Variants in ACSF2 observed in about 807,000 individuals in gnomAD.
ACSF2 encodes acyl-CoA synthetase family member 2, also known as medium-chain acyl-CoA ligase ACSF2, mitochondrial.
In ACSF2, 52 loss-of-function variants were observed where a neutral mutation model predicts 79.3. The ratio of observed to expected loss-of-function variants is 0.66; its 90% CI spans 0.53 to 0.83. The LOEUF is 0.83. Ranked by LOEUF, ACSF2 falls within the 40% of genes least tolerant of loss-of-function variation. The pLI, the probability that ACSF2 is intolerant of heterozygous loss-of-function variation, is 0.00. For missense variants in ACSF2, 661 were observed against 803.3 expected, an observed-to-expected ratio of 0.82 and a Z score of 2.14; for synonymous variants, 283 against 312.6, an observed-to-expected ratio of 0.91 and a Z score of 1.00.
chr17:50,467,798 C>T lies in ACSF2; in HGVS notation c.1216-3230C>T, dbSNP rs138899407. ...TAGGGGGCCTTTTGTGGGGCCAGGG[C>T]AGTCCCACTCCTTTTATATGTAAGA... On this transcript the variant is annotated intron_variant, in intron 10 of 15. Coordinates refer to ENST00000300441, the MANE Select transcript of ACSF2 (RefSeq NM_025149.6). The T allele has an allele frequency of 1.9e-3, 908 of 477,026 alleles. 8 individuals carry two copies. The highest frequency in any genetic ancestry group is 0.017 in the African/African-American group (855 of 51,260). The allele number at this position is 477,026 out of a possible 1,614,324, so 29.5% of individuals were successfully genotyped here. A position where few individuals can be genotyped will look rare whatever the true frequency, so the allele number is the denominator to read the frequency against.
rs1264687713 is a variant in ACSF2, at chr17:50,471,673, G to C, written c.1323+538G>C. 2 of 163,834 alleles carry C rather than the reference G, an allele frequency of 1.2e-5. No individual in the cohort carries two copies. The highest frequency in any genetic ancestry group is 2.7e-5 in the Non-Finnish European group (2 of 74,518). The allele number at this position is 163,834 out of a possible 1,614,324, so 10.1% of individuals were successfully genotyped here. ...CTGCTCCAACACTGGGGCTGTGCCA[G>C]CTGGCTCCTGATTTCCCCTGCACCC... is the stretch of plus-strand genomic sequence containing the variant. On this transcript the variant is annotated intron_variant, in intron 11 of 15. Transcript: ENST00000300441. This position sits in a 1 kb window ranked among gnomAD's most constrained non-coding sequence, Gnocchi z 4.1.
rs1018255240 is a variant in ACSF2, at chr17:50,461,760, G to A, written c.507+74G>A. ...GGCTGCACAGACTCTGCTTGTCAGA[G>A]TCTGACGGTGTGAGCTAGGGCATGC... On this transcript the variant is annotated intron_variant, in intron 4 of 15. Coordinates refer to ENST00000300441, the MANE Select transcript of ACSF2 (RefSeq NM_025149.6). 4.7e-5 allele frequency: 73 copies of A among 1,569,600 alleles called. No individual in the cohort carries two copies. The African/African-American group carries it at 7.5e-4, about 16-fold the overall frequency.
At chr17:50,428,850 C>G (rs982349349) in intron 1 of ACSF2, among the ~76,000 whole-genome samples, 1 of 152,224 alleles carries the variant, frequency 6.6e-6, no homozygotes, top group Non-Finnish European at 1.5e-5. Context: ...TTCCTGAGAA[C>G]AGATTCTGCG....
chr17:50,441,092 C>A (rs944002883), intron 1 of ACSF2, among the ~76,000 whole-genome samples: 1 of 152,252 alleles, frequency 6.6e-6, no homozygotes, highest in African/African-American at 2.4e-5. Context: ...AAGAGTAGTA[C>A]TCTTGGAAAA....
At chr17:50,445,058 G>A (rs2031208548) in intron 1 of ACSF2, among the ~76,000 whole-genome samples, 1 of 152,024 alleles carries the variant, frequency 6.6e-6, no homozygotes, top group African/African-American at 2.4e-5. Flanking sequence ...GAGACCACAG[G>A]TGCATGCCAC....
intron 1 of ACSF2, among the ~76,000 whole-genome samples, chr17:50,446,250 AG>A (rs1046435351): frequency 1.1e-4 from 16 of 152,014 alleles, no homozygotes; most frequent in African/African-American, 3.6e-4. Context: ...AAGCCCTAGA[AG>A]GTTTTTTTTT....
intron 1 of ACSF2, among the ~76,000 whole-genome samples, chr17:50,452,586 G>C (rs1300485193): frequency 6.6e-6 from 1 of 152,128 alleles, no homozygotes; most frequent in Non-Finnish European, 1.5e-5. Context: ...ATACCTAGGT[G>C]ACAGGTTGAT....
intron 4 of ACSF2, among the ~76,000 whole-genome samples, chr17:50,461,951 T>TGTGTGCGC (rs112810352): frequency 6.7e-6 from 1 of 150,366 alleles, no homozygotes; most frequent in African/African-American, 2.5e-5. Context: ...TGTGTGTGTG[T>TGTGTGCGC]GCGTGTGTCC....
At chr17:50,467,930 G>T in intron 10 of ACSF2, 1 of 1,162,588 alleles carries the variant, frequency 8.6e-7, no homozygotes, top group Non-Finnish European at 1.2e-6. Flanking sequence ...GAGATAGCCA[G>T]AGGGACAGGG....
intron 10 of ACSF2, among the ~76,000 whole-genome samples, chr17:50,469,591 G>A (rs113492700): frequency 0.044 from 6,731 of 152,284 alleles, 206 homozygotes; most frequent in Non-Finnish European, 0.068. Context: ...GTGGGAAGTG[G>A]GGGAGAGTGG....
intron 10 of ACSF2, chr17:50,464,744 C>A: frequency 2.8e-6 from 1 of 354,422 alleles, no homozygotes; most frequent in South Asian, 2.1e-5. Context: ...TCCTGATGAC[C>A]AACCTGTTGT....
At chr17:50,466,073 CT>C (rs10707664) in intron 10 of ACSF2, among the ~76,000 whole-genome samples, 32,430 of 119,722 alleles carry the variant, frequency 0.27, 3,979 homozygotes, top group Middle Eastern at 0.33. Flanking sequence ...GTGTTATTTT[CT>C]TTTTTTTTTT....
rs748440955 is a variant in ACSF2, at chr17:50,461,618, C to G, written c.454-15C>G. On this transcript the variant is annotated splice_polypyrimidine_tract_variant and intron_variant, in intron 3 of 15. Coordinates refer to ENST00000300441, the MANE Select transcript of ACSF2 (RefSeq NM_025149.6). ...TCTGCCCAGAATACTGATATGCCCT[C>G]GCCGCTTCCACCAGGTGTCTGTGAA... 1.2e-6 allele frequency: 2 copies of G among 1,613,966 alleles called. No homozygotes were observed. Among genetic ancestry groups the G allele is most frequent in the Non-Finnish European group, 1.7e-6 (2 of 1,179,986 alleles).
In ACSF2 at chr17:50,463,212, C is replaced by T. The variant is rs746210606; in HGVS notation, c.849C>T (p.Asn283=). 4.3e-6 allele frequency: 7 copies of T among 1,614,148 alleles called. No homozygotes were observed. Among genetic ancestry groups the T allele is most frequent in the Non-Finnish European group, 5.9e-6 (7 of 1,180,038 alleles). ...TCTCCCACTACAACATTGTCAACAA[C>T]TCCAACATTTTAGGAGAGCGCCTGA... ...ATLSHYNIVN[N]SNILGERLKL... The change falls in exon 7 of 16, where the codon AAC becomes AAT. Residue 283 remains asparagine (N), a synonymous_variant. Coordinates refer to ENST00000300441, the MANE Select transcript of ACSF2 (RefSeq NM_025149.6). The surrounding 1 kb of genome is among the most constrained non-coding windows in gnomAD (Gnocchi z 4.6).
At chr17:50,448,829 T>C (rs910450246) in intron 1 of ACSF2, among the ~76,000 whole-genome samples, 11 of 152,124 alleles carry the variant, frequency 7.2e-5, no homozygotes, top group Non-Finnish European at 1.6e-4. Context: ...TGGCAAAGTC[T>C]CTTGTGATAT....
intron 10 of ACSF2, 65 bp downstream of exon 10, chr17:50,464,359 C>A: frequency 6.7e-7 from 1 of 1,490,202 alleles, no homozygotes; most frequent in Non-Finnish European, 9.4e-7. Context: ...GATGGACAGA[C>A]ATGGGGATGA....
Position 50,463,068 on chromosome 17 carries a change from A to AT in ACSF2, c.793-86dup. On this transcript the variant is annotated intron_variant, in intron 6 of 15. Transcript: ENST00000300441. This position sits in a 1 kb window ranked among gnomAD's most constrained non-coding sequence, Gnocchi z 4.6. ...CTGGGGCAACAATCCCTGTCTCCTGATTCCCGGTCCCGTGCTCTTCAAGGC... is the reference window on the plus strand; with the variant it reads ...CTGGGGCAACAATCCCTGTCTCCTGATTTCCCGGTCCCGTGCTCTTCAAGGC... 3 of 1,088,534 alleles carry AT rather than the reference A, an allele frequency of 2.8e-6. No individual in the cohort carries two copies. Among genetic ancestry groups the AT allele is most frequent in the Non-Finnish European group, 2.7e-6 (2 of 730,794 alleles). The allele number at this position is 1,088,534 out of a possible 1,614,324, so 67.4% of individuals were successfully genotyped here. A position where few individuals can be genotyped will look rare whatever the true frequency, so the allele number is the denominator to read the frequency against.
rs376445829 is a variant in ACSF2, at chr17:50,473,135, T to C, written c.1476-530T>C. 2.5e-4 allele frequency: 39 copies of C among 157,100 alleles called. No homozygotes were observed. In the East Asian group the frequency reaches 6.0e-3, roughly 24 times the overall value. The allele number at this position is 157,100 out of a possible 1,614,324, so 9.7% of individuals were successfully genotyped here. ...GCCGGACGTGGTGGCGGCACGTGCC[T>C]GTAGTCCCAGCTACTCGGAGGCTGA... On this transcript the variant is annotated intron_variant, in intron 12 of 15. Transcript: ENST00000300441.
intron 10 of ACSF2, chr17:50,465,215 G>A: frequency 1.3e-6 from 2 of 1,547,578 alleles, no homozygotes; most frequent in Non-Finnish European, 8.9e-7. Context: ...CCAGGGCCAG[G>A]GGGTATCCTG....
Sources: allele counts gnomAD v4.1 joint callset (sites outside exome capture counted in the v4.1 genomes callset), GRCh38; gene constraint gnomAD v4.1.1; non-coding constraint Gnocchi (gnomAD v3.1); transcripts MANE v1.5; gene names NCBI Gene and HGNC (gene_info 2026-07-23, HGNC 2026-07-21).